Variants in CTNND2 observed in about 807,000 individuals in gnomAD.
CTNND2 encodes catenin delta 2.
CTNND2 carries 22 observed loss-of-function variants against 144.4 expected under a neutral mutation model. That is an observed-to-expected ratio of 0.15 (90% CI 0.11 to 0.22). CTNND2 has a LOEUF of 0.22. CTNND2 is among the 10% of genes least tolerant of loss of function. CTNND2 has a pLI of 1.00. For missense variants in CTNND2, 1,353 were observed against 1,618.8 expected, an observed-to-expected ratio of 0.84 and a Z score of 2.82; for synonymous variants, 751 against 695.6, an observed-to-expected ratio of 1.08 and a Z score of -1.25.
At chr5:11,319,779 C>T (rs1239865958) in intron 9 of CTNND2, among the ~76,000 whole-genome samples, 1 of 152,186 alleles carries the variant, frequency 6.6e-6, no homozygotes, top group African/African-American at 2.4e-5. Context: ...CCTCGGCCTC[C>T]CAAAGTGCTG....
At chr5:11,425,312 C>G (rs1253789321) in intron 3 of CTNND2, among the ~76,000 whole-genome samples, 1 of 152,192 alleles carries the variant, frequency 6.6e-6, no homozygotes, top group Non-Finnish European at 1.5e-5. Flanking sequence ...CTGCTTCCAG[C>G]CCACTATCCT....
At chr5:11,565,130 C>G in intron 2 of CTNND2, 74 bp from the exon 3 acceptor site, 1 of 919,242 alleles carries the variant, frequency 1.1e-6, no homozygotes. Context: ...AATAATAGGA[C>G]GGCTGAGGGA....
chr5:11,113,040 CT>C (rs886502478), intron 13 of CTNND2, among the ~76,000 whole-genome samples: 6 of 152,060 alleles, frequency 3.9e-5, no homozygotes, highest in African/African-American at 1.4e-4. Context: ...ACTCAGGAGG[CT>C]AAGGCAGGAG....
At chr5:11,816,059 C>A (rs1020522193) in intron 1 of CTNND2, among the ~76,000 whole-genome samples, 5 of 152,156 alleles carry the variant, frequency 3.3e-5, no homozygotes, top group Admixed American at 6.5e-5. Context: ...ACAGTTGGAG[C>A]GTGCCTGTGA....
At chr5:11,552,290 A>T (rs886515421) in intron 3 of CTNND2, among the ~76,000 whole-genome samples, 1 of 152,228 alleles carries the variant, frequency 6.6e-6, no homozygotes, top group Non-Finnish European at 1.5e-5. Flanking sequence ...AGTTTTAGTC[A>T]AACTGGAAAA....
intron 3 of CTNND2, among the ~76,000 whole-genome samples, chr5:11,488,304 C>A (rs1189993994): frequency 6.6e-6 from 1 of 152,162 alleles, no homozygotes; most frequent in African/African-American, 2.4e-5. Context: ...TAAATACCCA[C>A]TAAAATATAT....
At chr5:11,548,565 T>C (rs907875225) in intron 3 of CTNND2, among the ~76,000 whole-genome samples, 2 of 152,190 alleles carry the variant, frequency 1.3e-5, no homozygotes, top group Non-Finnish European at 2.9e-5. Context: ...GTCTATGATG[T>C]AGTTCAGTAT....
At chr5:11,792,307 A>G (rs891322162) in intron 1 of CTNND2, among the ~76,000 whole-genome samples, 2 of 152,120 alleles carry the variant, frequency 1.3e-5, no homozygotes, top group African/African-American at 4.8e-5. Flanking sequence ...ACACACACAC[A>G]CATATATATT....
chr5:11,047,056 C>T (rs753021930), intron 16 of CTNND2, among the ~76,000 whole-genome samples: 10 of 152,332 alleles, frequency 6.6e-5, no homozygotes, highest in Non-Finnish European at 1.3e-4. Flanking sequence ...CTCTTCTCAG[C>T]AGAGCCTCCT....
At chr5:11,390,097 T>C (rs1007288050) in intron 6 of CTNND2, among the ~76,000 whole-genome samples, 1 of 152,216 alleles carries the variant, frequency 6.6e-6, no homozygotes, top group Admixed American at 6.5e-5. Context: ...GTCTACACCA[T>C]GTACAAATGA....
chr5:11,792,100 C>T (rs1203410029), intron 1 of CTNND2, among the ~76,000 whole-genome samples: 1 of 152,126 alleles, frequency 6.6e-6, no homozygotes, highest in Non-Finnish European at 1.5e-5. Flanking sequence ...ATTCTCTTTT[C>T]TCTTCTCTAG....
At chr5:11,692,312 C>G (rs1257649915) in intron 2 of CTNND2, among the ~76,000 whole-genome samples, 3 of 152,076 alleles carry the variant, frequency 2.0e-5, no homozygotes, top group Non-Finnish European at 4.4e-5. Flanking sequence ...GAATATGATT[C>G]CCAACTCATT....
chr5:11,734,561 C>A (rs1787575715), intron 1 of CTNND2, among the ~76,000 whole-genome samples: 1 of 152,174 alleles, frequency 6.6e-6, no homozygotes, highest in Non-Finnish European at 1.5e-5. Flanking sequence ...CATTACAAAA[C>A]CCCCATCTCA....
chr5:11,314,993 T>C (rs758637174), intron 9 of CTNND2, among the ~76,000 whole-genome samples: 7 of 152,252 alleles, frequency 4.6e-5, no homozygotes, highest in Non-Finnish European at 8.8e-5. Flanking sequence ...TTTAATTGTT[T>C]ATTTAAAATT....
At chr5:11,136,525 T>G (rs1756167013) in intron 12 of CTNND2, among the ~76,000 whole-genome samples, 1 of 152,136 alleles carries the variant, frequency 6.6e-6, no homozygotes, top group African/African-American at 2.4e-5. Flanking sequence ...TCTTAATGCT[T>G]ATGTTGTTAT....
intron 9 of CTNND2, among the ~76,000 whole-genome samples, chr5:11,250,521 T>TACATATA (rs1561094429): frequency 6.9e-4 from 3 of 4,336 alleles, no homozygotes; most frequent in African/African-American, 2.2e-3. Flanking sequence ...ATACATATAT[T>TACATATA]TTTTTTTTTT....
At chr5:11,260,092 T>A (rs562698633) in intron 9 of CTNND2, among the ~76,000 whole-genome samples, 1 of 152,342 alleles carries the variant, frequency 6.6e-6, no homozygotes, top group African/African-American at 2.4e-5. Context: ...TGGCCCTTCC[T>A]TGAATGATGT....
At chr5:11,451,096 T>G (rs1765276000) in intron 3 of CTNND2, among the ~76,000 whole-genome samples, 1 of 151,808 alleles carries the variant, frequency 6.6e-6, no homozygotes, top group Admixed American at 6.6e-5. Flanking sequence ...ATATTTTATA[T>G]AAAAATTAAC....
chr5:11,368,098 G>A (rs1205286832), intron 7 of CTNND2, among the ~76,000 whole-genome samples: 1 of 152,112 alleles, frequency 6.6e-6, no homozygotes, highest in Non-Finnish European at 1.5e-5. Flanking sequence ...GCTGAAACAT[G>A]GGTACTTGGC....
Sources: gnomAD v4.1 joint callset for allele counts (sites outside exome capture counted in the v4.1 genomes callset) on GRCh38, gnomAD v4.1.1 for gene constraint, MANE v1.5 for transcripts, NCBI Gene and HGNC (gene_info 2026-07-23, HGNC 2026-07-21) for gene names.